ARID3B: variants seen among roughly 807,000 people sequenced by gnomAD.
The protein encoded by ARID3B is AT-rich interaction domain 3B.
ARID3B carries 10 observed loss-of-function variants against 51.9 expected under a neutral mutation model. The observed-to-expected ratio is 0.19, with a 90% CI of 0.12 to 0.33. The LOEUF (loss-of-function observed/expected upper bound fraction) is 0.33, where lower values mean the gene tolerates loss of function less well. Among genes scored for constraint, ARID3B ranks in the 10% least tolerant of loss-of-function variants. ARID3B has a pLI of 1.00. For missense variants in ARID3B, 483 were observed against 716.3 expected, an observed-to-expected ratio of 0.67 and a Z score of 3.72; for synonymous variants, 205 against 279.5, an observed-to-expected ratio of 0.73 and a Z score of 2.66.
chr15:74,559,533 T>C (rs1355789781), intron 2 of ARID3B, among the ~76,000 whole-genome samples: 1 of 152,204 alleles, frequency 6.6e-6, no homozygotes, highest in Non-Finnish European at 1.5e-5. Context: ...ATCCCCTTTA[T>C]GTGTTTGTTT....
At chr15:74,554,596 C>T (rs962753851) in intron 2 of ARID3B, among the ~76,000 whole-genome samples, 5 of 152,228 alleles carry the variant, frequency 3.3e-5, no homozygotes, top group African/African-American at 1.2e-4. Flanking sequence ...AGCCACAGTG[C>T]CTGGTCATGC....
rs2061834309 is a variant in ARID3B at position 74,597,824 on chromosome 15, T to A, written c.*2050T>A. ...CCGTTGGAGTGAACCCTCACTGCCC[T>A]CAAGGACAACAGCAGGGTGTCACCC... is the stretch of plus-strand genomic sequence containing the variant. On this transcript the variant is annotated 3_prime_UTR_variant, in exon 9 of 9. Transcript: ENST00000346246. 1 of 492,380 alleles carries A rather than the reference T, an allele frequency of 2.0e-6. No homozygotes were observed. The highest frequency in any genetic ancestry group is 1.9e-5 in the African/African-American group (1 of 52,714). The allele number at this position is 492,380 out of a possible 1,614,324, so 30.5% of individuals were successfully genotyped here. A position where few individuals can be genotyped will look rare whatever the true frequency, so the allele number is the denominator to read the frequency against.
intron 2 of ARID3B, among the ~76,000 whole-genome samples, chr15:74,559,756 C>T (rs1383897153): frequency 6.6e-6 from 1 of 151,930 alleles, no homozygotes; most frequent in African/African-American, 2.4e-5. Flanking sequence ...AATGCAGGCT[C>T]ATTTTAGAAA....
In ARID3B at chr15:74,591,115, T is replaced by C. The variant is rs772758926; in HGVS notation, c.882-36T>C. ...CAACTGGGTGGTCTCTGGTGCTGTTTTGGATTATTCTCCCTGCTTGCTTCC... is the reference window on the plus strand; with the variant it reads ...CAACTGGGTGGTCTCTGGTGCTGTTCTGGATTATTCTCCCTGCTTGCTTCC... On this transcript the variant is annotated intron_variant, in intron 5 of 8. Transcript: ENST00000346246. This position sits in a 1 kb window ranked among gnomAD's most constrained non-coding sequence, Gnocchi z 5.8. 6.4e-7 allele frequency: 1 copy of C among 1,557,334 alleles called. No individual in the cohort carries two copies. The highest frequency in any genetic ancestry group is 2.3e-5 in the East Asian group (1 of 44,146).
At chr15:74,545,927 C>T (rs181719035) in intron 2 of ARID3B, among the ~76,000 whole-genome samples, 126 of 152,328 alleles carry the variant, frequency 8.3e-4, no homozygotes, top group South Asian at 3.7e-3. Context: ...GTGCCACTGC[C>T]TCCCATGGAT....
chr15:74,549,258 G>A (rs1353966371), intron 2 of ARID3B, among the ~76,000 whole-genome samples: 2 of 152,032 alleles, frequency 1.3e-5, no homozygotes, highest in East Asian at 3.9e-4. Context: ...TGTATTTTTA[G>A]TAGAGACGGG....
At chr15:74,543,170 C>T (rs2061600797) in intron 1 of ARID3B, among the ~76,000 whole-genome samples, 1 of 152,202 alleles carries the variant, frequency 6.6e-6, no homozygotes, top group Admixed American at 6.5e-5. Flanking sequence ...CTCTTGCCTC[C>T]TTGCGTGTTT....
chr15:74,566,122 G>A (rs1368214846), intron 2 of ARID3B, among the ~76,000 whole-genome samples: 4 of 151,704 alleles, frequency 2.6e-5, no homozygotes, highest in South Asian at 4.2e-4. Flanking sequence ...GCTACTCTCC[G>A]TCTCCCCCAG....
intron 4 of ARID3B, 47 bp downstream of exon 4, chr15:74,573,251 A>G (rs2061725608): frequency 6.3e-7 from 1 of 1,579,088 alleles, no homozygotes; most frequent in Non-Finnish European, 8.7e-7. Context: ...ATACTGATAG[A>G]GTGCCTACTG....
chr15:74,577,835 G>A (rs1052111216), intron 4 of ARID3B, among the ~76,000 whole-genome samples: 1 of 151,580 alleles, frequency 6.6e-6, no homozygotes, highest in Admixed American at 6.6e-5. Context: ...ACCGTGCTGG[G>A]CCTCAGATTA....
chr15:74,594,147 ACT>A (rs761538291), intron 8 of ARID3B, among the ~76,000 whole-genome samples: 4 of 151,508 alleles, frequency 2.6e-5, no homozygotes, highest in Non-Finnish European at 5.9e-5. Flanking sequence ...AGCCCACCTG[ACT>A]CTTGTTAAGC....
At chr15:74,553,384 G>T (rs981765448) in intron 2 of ARID3B, among the ~76,000 whole-genome samples, 1 of 152,074 alleles carries the variant, frequency 6.6e-6, no homozygotes, top group Non-Finnish European at 1.5e-5. Flanking sequence ...TGAAATTCTT[G>T]TTACTTAATA....
intron 4 of ARID3B, among the ~76,000 whole-genome samples, chr15:74,575,386 G>A (rs2061734092): frequency 6.6e-6 from 1 of 152,196 alleles, no homozygotes; most frequent in African/African-American, 2.4e-5. Context: ...GGGCCACTTT[G>A]TCATTCTTTC....
intron 5 of ARID3B, among the ~76,000 whole-genome samples, chr15:74,590,553 A>C (rs2061799212): frequency 6.6e-6 from 1 of 152,252 alleles, no homozygotes; most frequent in Non-Finnish European, 1.5e-5. Flanking sequence ...GGGTGATGGA[A>C]GCGGTGAAAC....
intron 7 of ARID3B, among the ~76,000 whole-genome samples, chr15:74,592,400 A>G (rs549362705): frequency 6.6e-6 from 1 of 152,230 alleles, no homozygotes; most frequent in South Asian, 2.1e-4. Flanking sequence ...TCTGGTCCTG[A>G]TGCTATCTCA....
intron 4 of ARID3B, among the ~76,000 whole-genome samples, chr15:74,587,715 CCTG>C (rs1466035550): frequency 1.3e-5 from 2 of 152,118 alleles, no homozygotes; most frequent in Non-Finnish European, 2.9e-5. Flanking sequence ...TTAGCCCTGT[CCTG>C]CTGGGGGCTT....
Position 74,552,930 on chromosome 15 carries a change from G to A in ARID3B, c.552+8442G>A, listed in dbSNP as rs538573902. On this transcript the variant is annotated intron_variant, in intron 2 of 8. Coordinates refer to ENST00000346246, the MANE Select transcript of ARID3B (RefSeq NM_006465.4). Reference sequence around the variant, plus strand: ...GGTTTTTGTGTAGATATAAGTTTCAGTTTATCTGGGTAAATACCAAGAAGC... The same window carrying A: ...GGTTTTTGTGTAGATATAAGTTTCAATTTATCTGGGTAAATACCAAGAAGC... 7.7e-4 allele frequency among the ~76,000 whole-genome samples: 118 copies of A among 152,276 alleles called. 2 individuals carry two copies. The South Asian group carries it at 9.5e-3, about 12-fold the overall frequency.
intron 8 of ARID3B, among the ~76,000 whole-genome samples, chr15:74,593,933 T>A (rs2061813531): frequency 6.6e-6 from 1 of 151,926 alleles, no homozygotes; most frequent in African/African-American, 2.4e-5. Flanking sequence ...TCCCAGCTAC[T>A]TGGGAGGCTG....
intron 2 of ARID3B, among the ~76,000 whole-genome samples, chr15:74,562,487 A>T (rs922627915): frequency 6.6e-6 from 1 of 152,078 alleles, no homozygotes; most frequent in African/African-American, 2.4e-5. Context: ...TAACGCCATC[A>T]TAAGTATTTT....
Sources: allele counts gnomAD v4.1 joint callset (sites outside exome capture counted in the v4.1 genomes callset), GRCh38; gene constraint gnomAD v4.1.1; non-coding constraint Gnocchi (gnomAD v3.1); transcripts MANE v1.5; gene names NCBI Gene and HGNC (gene_info 2026-07-23, HGNC 2026-07-21).